ZNF385D: variants seen among roughly 807,000 people sequenced by gnomAD.
ZNF385D encodes the protein zinc finger protein 385D, also known as zinc finger protein 659.
ZNF385D carries 15 observed loss-of-function variants against 35.8 expected under a neutral mutation model. That is an observed-to-expected ratio of 0.42 (90% CI 0.28 to 0.64). ZNF385D has a LOEUF of 0.64. Among genes scored for constraint, ZNF385D ranks in the 30% least tolerant of loss-of-function variants. The pLI is 0.23. For synonymous variants in ZNF385D, 212 were observed against 186.8 expected, an observed-to-expected ratio of 1.13 and a Z score of -1.10; for missense variants, 474 against 494.6, an observed-to-expected ratio of 0.96 and a Z score of 0.39.
At chr3:22,194,181 G>C (rs1031355227) in intron 2 of ZNF385D, among the ~76,000 whole-genome samples, 1 of 151,626 alleles carries the variant, frequency 6.6e-6, no homozygotes, top group Non-Finnish European at 1.5e-5. Context: ...ATCAGATTTT[G>C]ATTGTTGATA....
intron 2 of ZNF385D, among the ~76,000 whole-genome samples, chr3:21,574,809 TTAA>T (rs1359664893): frequency 6.6e-6 from 1 of 152,090 alleles, no homozygotes; most frequent in East Asian, 1.9e-4. Flanking sequence ...CCATAATAAG[TTAA>T]TAATATACAT....
intron 3 of ZNF385D, among the ~76,000 whole-genome samples, chr3:22,058,308 A>G (rs892114613): frequency 4.6e-5 from 7 of 152,226 alleles, no homozygotes; most frequent in African/African-American, 1.7e-4. Context: ...AGGGAATTTG[A>G]TATTAGCTAA....
chr3:21,564,712 A>G, intron 2 of ZNF385D, 28 bp from the exon 3 acceptor site: 2 of 1,396,906 alleles, frequency 1.4e-6, no homozygotes, highest in Non-Finnish European at 2.0e-6. Context: ...AAATACAACA[A>G]ATAGAAATAA....
intron 3 of ZNF385D, among the ~76,000 whole-genome samples, chr3:21,766,445 G>T (rs1259020523): frequency 6.6e-6 from 1 of 152,058 alleles, no homozygotes; most frequent in Non-Finnish European, 1.5e-5. Flanking sequence ...ATTAAAGCAC[G>T]GTCAGAACAC....
At chr3:21,846,135 G>T (rs534889671) in intron 3 of ZNF385D, among the ~76,000 whole-genome samples, 1 of 152,104 alleles carries the variant, frequency 6.6e-6, no homozygotes, top group South Asian at 2.1e-4. Flanking sequence ...ATTAGTCTTT[G>T]CTGTGGAAAG....
chr3:22,231,243 T>C (rs770959867), intron 2 of ZNF385D, among the ~76,000 whole-genome samples: 2 of 152,164 alleles, frequency 1.3e-5, no homozygotes. Flanking sequence ...GCAAGATCAG[T>C]GTCTGGAAGC....
intron 4 of ZNF385D, among the ~76,000 whole-genome samples, chr3:21,499,251 G>A (rs1374968370): frequency 2.0e-5 from 3 of 152,040 alleles, no homozygotes; most frequent in Admixed American, 1.3e-4. Context: ...ATGGTAGACT[G>A]GATAAGGAAA....
chr3:21,901,822 G>C (rs557852938), intron 3 of ZNF385D, among the ~76,000 whole-genome samples: 2 of 152,232 alleles, frequency 1.3e-5, no homozygotes, highest in East Asian at 3.9e-4. Context: ...GGTTATTTGA[G>C]GTTAAAAAGG....
intron 1 of ZNF385D, among the ~76,000 whole-genome samples, chr3:21,714,314 G>A (rs1326912576): frequency 6.6e-6 from 1 of 152,042 alleles, no homozygotes; most frequent in East Asian, 1.9e-4. Context: ...TATTTCATAA[G>A]TCTTTTATGT....
chr3:21,716,467 T>G (rs1055995591), intron 1 of ZNF385D, among the ~76,000 whole-genome samples: 1 of 152,190 alleles, frequency 6.6e-6, no homozygotes, highest in Non-Finnish European at 1.5e-5. Flanking sequence ...CCACCCATGC[T>G]GGCCTCTGTA....
At chr3:21,940,878 C>G (rs752727738) in intron 3 of ZNF385D, among the ~76,000 whole-genome samples, 9 of 152,018 alleles carry the variant, frequency 5.9e-5, no homozygotes, top group Non-Finnish European at 1.3e-4. Flanking sequence ...AAAATAGTAC[C>G]AACTTTGTAA....
intron 4 of ZNF385D, among the ~76,000 whole-genome samples, chr3:21,487,428 A>G (rs161199): frequency 0.85 from 129,032 of 151,980 alleles, 55,199 homozygotes; most frequent in East Asian, 1. Context: ...TTTGGTAAGC[A>G]CTGTCTCTAC....
intron 3 of ZNF385D, among the ~76,000 whole-genome samples, chr3:22,108,927 G>A (rs182712385): frequency 1.3e-5 from 2 of 152,160 alleles, no homozygotes; most frequent in Middle Eastern, 3.4e-3. Context: ...CAGGAGAATC[G>A]CTTGAACCTG....
intron 5 of ZNF385D, among the ~76,000 whole-genome samples, chr3:21,427,454 G>A (rs1701074347): frequency 1.3e-5 from 2 of 152,116 alleles, no homozygotes; most frequent in Admixed American, 1.3e-4. Context: ...GTGTTTCATA[G>A]GTGGAAGCTG....
intron 3 of ZNF385D, among the ~76,000 whole-genome samples, chr3:21,921,221 T>C (rs1254561533): frequency 1.1e-4 from 2 of 18,268 alleles, no homozygotes; most frequent in Admixed American, 8.4e-4. Context: ...AGACTCCATC[T>C]CAAAAAAAAA....
intron 3 of ZNF385D, among the ~76,000 whole-genome samples, chr3:21,759,813 T>C (rs1192355851): frequency 1.3e-5 from 2 of 152,176 alleles, no homozygotes; most frequent in Non-Finnish European, 2.9e-5. Context: ...TCATGATAAA[T>C]TGAGTGCAGC....
intron 3 of ZNF385D, among the ~76,000 whole-genome samples, chr3:22,164,828 C>A (rs567995621): frequency 6.6e-6 from 1 of 151,068 alleles, no homozygotes; most frequent in African/African-American, 2.4e-5. Context: ...CAGGATAGTT[C>A]GATGCTAAAA....
At chr3:22,281,872 C>A (rs186650116) in intron 2 of ZNF385D, among the ~76,000 whole-genome samples, 6,171 of 151,968 alleles carry the variant, frequency 0.041, 139 homozygotes, top group African/African-American at 0.062. Flanking sequence ...TGGTACTGAA[C>A]ATTTTTTGTT....
At chr3:21,474,838 T>A (rs1704131659) in intron 4 of ZNF385D, among the ~76,000 whole-genome samples, 1 of 152,132 alleles carries the variant, frequency 6.6e-6, no homozygotes, top group African/African-American at 2.4e-5. Flanking sequence ...TTCCTCATAT[T>A]AATGATTACA....
Sources: gnomAD v4.1 joint callset for allele counts (sites outside exome capture counted in the v4.1 genomes callset) on GRCh38, gnomAD v4.1.1 for gene constraint, MANE v1.5 for transcripts, NCBI Gene and HGNC (gene_info 2026-07-23, HGNC 2026-07-21) for gene names.